ZMIZ1: variants seen among roughly 807,000 people sequenced by gnomAD.
The protein encoded by ZMIZ1 is zinc finger MIZ-type containing 1, also known as zinc finger MIZ domain-containing protein 1.
ZMIZ1 carries 17 observed loss-of-function variants against 113.9 expected under a neutral mutation model. The observed-to-expected ratio is 0.15, with a 90% CI of 0.10 to 0.22. The LOEUF is 0.22. ZMIZ1 is among the 10% of genes least tolerant of loss of function. The pLI, the probability that ZMIZ1 is intolerant of heterozygous loss-of-function variation, is 1.00. For missense variants in ZMIZ1, 1,059 were observed against 1,477.8 expected (o/e 0.72, Z 4.65); for synonymous variants, 607 against 603.1 (o/e 1.01, Z -0.09).
chr10:79,108,226 C>A (rs901014483), intron 1 of ZMIZ1, among the ~76,000 whole-genome samples: 2 of 152,186 alleles, frequency 1.3e-5, no homozygotes, highest in African/African-American at 4.8e-5. Context: ...GGCAGCAGAT[C>A]CTCAGGACGA....
intron 4 of ZMIZ1, among the ~76,000 whole-genome samples, chr10:79,186,922 C>A (rs1378668577): frequency 6.6e-6 from 1 of 152,238 alleles, no homozygotes; most frequent in Non-Finnish European, 1.5e-5. Context: ...AGCCACACTG[C>A]CCCTGCTGGA....
chr10:79,246,004 C>G (rs141181251), intron 7 of ZMIZ1, among the ~76,000 whole-genome samples: 1 of 152,328 alleles, frequency 6.6e-6, no homozygotes, highest in Non-Finnish European at 1.5e-5. Context: ...AGCTCAGAGC[C>G]CACAAGTGTA....
At chr10:79,311,454 C>T (rs1430762903) in intron 24 of ZMIZ1, among the ~76,000 whole-genome samples, 1 of 152,178 alleles carries the variant, frequency 6.6e-6, no homozygotes, top group Non-Finnish European at 1.5e-5. Context: ...TGACCCAAGC[C>T]CTGCGGGGTC....
chr10:79,088,893 C>T (rs879462818), intron 1 of ZMIZ1, among the ~76,000 whole-genome samples: 4 of 152,202 alleles, frequency 2.6e-5, no homozygotes, highest in East Asian at 3.8e-4. Flanking sequence ...TGGAGACTGT[C>T]GCAGCACCCC....
At chr10:79,083,096 C>T (rs761230280) in intron 1 of ZMIZ1, among the ~76,000 whole-genome samples, 8 of 152,352 alleles carry the variant, frequency 5.3e-5, no homozygotes, top group East Asian at 1.9e-4. Flanking sequence ...GTAGGCGAGA[C>T]AGTCAGCAGG....
At position 79,305,265 on chromosome 10, in the gene ZMIZ1, C is replaced by T. The variant is rs777766321; in HGVS notation, c.2354+34C>T. 12 of 1,610,936 alleles carry T rather than the reference C, an allele frequency of 7.4e-6. No homozygotes were observed. In the South Asian group the frequency reaches 1.3e-4, roughly 18 times the overall value. ...TGCCCACCCCGGTGGGGGCTTCCCC[C>T]ATCCCCCAACCACAGACGGGAGGGG... On this transcript the variant is annotated intron_variant, in intron 20 of 24. Transcript: ENST00000334512.
chr10:79,268,156 T>C (rs116132544), intron 7 of ZMIZ1, among the ~76,000 whole-genome samples: 3 of 152,176 alleles, frequency 2.0e-5, no homozygotes, highest in Non-Finnish European at 4.4e-5. Flanking sequence ...CTCACTAACA[T>C]GAACAGCAGC....
chr10:79,216,290 G>A lies in ZMIZ1; in HGVS notation c.280+16G>A. On this transcript the variant is annotated intron_variant, in intron 7 of 24. Coordinates refer to ENST00000334512, the MANE Select transcript of ZMIZ1 (RefSeq NM_020338.4). ...AAGTCTGCCGGTAGGTGTCCGTGGG[G>A]GACTCTGCGATGTCACTGGGAGGTG... 6.3e-7 allele frequency: 1 copy of A among 1,576,544 alleles called. No homozygotes were observed. Among genetic ancestry groups the A allele is most frequent in the South Asian group, 1.2e-5 (1 of 86,638 alleles).
chr10:79,208,501 T>G (rs1209166759), intron 6 of ZMIZ1, 52 bp downstream of exon 6: 1 of 1,488,834 alleles, frequency 6.7e-7, no homozygotes. Flanking sequence ...GTCAGCTGAG[T>G]GCTAGCGTGC....
intron 1 of ZMIZ1, among the ~76,000 whole-genome samples, chr10:79,085,694 C>A (rs1211532108): frequency 5.9e-5 from 9 of 152,230 alleles, no homozygotes; most frequent in African/African-American, 2.2e-4. Context: ...GGCTTCAGCC[C>A]AAGAGATGCC....
intron 4 of ZMIZ1, among the ~76,000 whole-genome samples, chr10:79,163,542 C>T (rs1371631854): frequency 6.6e-6 from 1 of 152,186 alleles, no homozygotes; most frequent in South Asian, 2.1e-4. Context: ...ACCTTTTTAC[C>T]CCCACAAGAA....
At chr10:79,199,520 C>A (rs550313839) in intron 4 of ZMIZ1, among the ~76,000 whole-genome samples, 4 of 151,986 alleles carry the variant, frequency 2.6e-5, no homozygotes, top group East Asian at 3.9e-4. Context: ...AAAAAAAGTT[C>A]TTTGTGTCTT....
chr10:79,309,803 A>C (rs1854995565), intron 23 of ZMIZ1, among the ~76,000 whole-genome samples: 1 of 152,162 alleles, frequency 6.6e-6, no homozygotes, highest in African/African-American at 2.4e-5. Context: ...TGAGGGGATG[A>C]AAAGACCAAG....
chr10:79,216,058 G>C lies in ZMIZ1; in HGVS notation c.175-111G>C, dbSNP rs75665251. 1,278 of 598,208 alleles carry C rather than the reference G, an allele frequency of 2.1e-3. 28 individuals carry two copies. The Admixed American group carries it at 0.026, about 12-fold the overall frequency. 37.1% of individuals were successfully genotyped at this position (598,208 alleles called of 1,614,324 possible). A position where few individuals can be genotyped will look rare whatever the true frequency, so the allele number is the denominator to read the frequency against. On this transcript the variant is annotated intron_variant, in intron 6 of 24. Transcript: ENST00000334512. Reference sequence around the variant, plus strand: ...CAGTGGACTTCTGGCTCTGCCTAATGATGGGGCACTGCCTTAGCTTGCCCA... The same window carrying C: ...CAGTGGACTTCTGGCTCTGCCTAATCATGGGGCACTGCCTTAGCTTGCCCA...
intron 2 of ZMIZ1, among the ~76,000 whole-genome samples, chr10:79,137,716 G>T (rs1042462485): frequency 1.3e-5 from 2 of 152,170 alleles, no homozygotes; most frequent in Non-Finnish European, 1.5e-5. Context: ...CTAGGGGTGA[G>T]CAGGGGAAGG....
chr10:79,304,219 TCTGG>T (rs1215983081), intron 19 of ZMIZ1, 44 bp downstream of exon 19: 10 of 1,590,316 alleles, frequency 6.3e-6, no homozygotes, highest in Non-Finnish European at 8.6e-6. Context: ...CCACCTAGAC[TCTGG>T]CTGGGATGGT....
chr10:79,193,194 G>T (rs1847680892), intron 4 of ZMIZ1, among the ~76,000 whole-genome samples: 2 of 152,150 alleles, frequency 1.3e-5, no homozygotes, highest in Admixed American at 1.3e-4. Flanking sequence ...GCCTAACCTT[G>T]GTCACTTTCA....
At chr10:79,192,131 A>G (rs1404475549) in intron 4 of ZMIZ1, among the ~76,000 whole-genome samples, 1 of 152,224 alleles carries the variant, frequency 6.6e-6, no homozygotes, top group Non-Finnish European at 1.5e-5. Context: ...GTATGGCCAG[A>G]GGATGGCAGG....
chr10:79,312,438 G>A (rs1230974333), intron 24 of ZMIZ1, among the ~76,000 whole-genome samples: 1 of 152,246 alleles, frequency 6.6e-6, no homozygotes, highest in Non-Finnish European at 1.5e-5. Flanking sequence ...TGAGCATGGG[G>A]GTGCCCCACA....
Sources: allele counts gnomAD v4.1 joint callset (sites outside exome capture counted in the v4.1 genomes callset), GRCh38; gene constraint gnomAD v4.1.1; transcripts MANE v1.5; gene names NCBI Gene and HGNC (gene_info 2026-07-23, HGNC 2026-07-21).